The following PCDHA1 variants were observed in gnomAD, a reference collection of about 807,000 sequenced individuals.
PCDHA1 encodes protocadherin alpha 1.
A neutral mutation model predicts 61.3 loss-of-function variants in PCDHA1; 42 were observed. That is an observed-to-expected ratio of 0.69 (90% CI 0.54 to 0.89). The LOEUF (loss-of-function observed/expected upper bound fraction) is 0.89, where lower values mean the gene tolerates loss of function less well. Among genes scored for constraint, PCDHA1 ranks in the 40% least tolerant of loss-of-function variants. PCDHA1 has a pLI of 0.00. For missense variants in PCDHA1, 1,256 were observed against 1,235.3 expected (o/e 1.02, Z -0.25); for synonymous variants, 610 against 553.8 (o/e 1.10, Z -1.43).
intron 1 of PCDHA1, chr5:140,797,412 G>T: frequency 6.6e-7 from 1 of 1,511,554 alleles, no homozygotes; most frequent in South Asian, 1.2e-5. Context: ...AATTCTATAT[G>T]ATTTCTACTA....
At chr5:140,868,439 G>A (rs2050456620) in intron 1 of PCDHA1, 2 of 152,256 alleles carry the variant, frequency 1.3e-5, no homozygotes, top group South Asian at 4.2e-4. Flanking sequence ...TAGATCATGT[G>A]GAACATAAAC....
chr5:140,893,106 C>T (rs1226663436), intron 1 of PCDHA1, among the ~76,000 whole-genome samples: 3 of 152,170 alleles, frequency 2.0e-5, no homozygotes, highest in African/African-American at 4.8e-5. Flanking sequence ...GATAATATTC[C>T]GTTGTGCATA....
chr5:140,962,339 G>A (rs1454430913), intron 1 of PCDHA1, among the ~76,000 whole-genome samples: 1 of 152,152 alleles, frequency 6.6e-6, no homozygotes, highest in Non-Finnish European at 1.5e-5. Flanking sequence ...TGATAAAGAA[G>A]TAAAACTCCC....
intron 1 of PCDHA1, chr5:140,797,237 T>C: frequency 6.2e-7 from 1 of 1,614,128 alleles, no homozygotes; most frequent in East Asian, 2.2e-5. Context: ...CGGCAGAGGG[T>C]GTGCTCTGGG....
rs199976895 is a variant in PCDHA1 at position 140,968,276 on chromosome 5, G to T, written c.2395-10673G>T. The T allele has an allele frequency of 9.2e-5, 148 of 1,613,952 alleles. No homozygotes were observed. Among genetic ancestry groups the T allele is most frequent in the Admixed American group, 5.5e-4 (33 of 60,008 alleles). On this transcript the variant is annotated intron_variant, in intron 1 of 3. Transcript: ENST00000504120. ...CCCAGATGAAAAGGAGAATGCAGAGGTGACCTACTCCCTTCTGGAGAGGGA... is the reference window on the plus strand; with the variant it reads ...CCCAGATGAAAAGGAGAATGCAGAGTTGACCTACTCCCTTCTGGAGAGGGA...
At chr5:140,835,008 C>A in intron 1 of PCDHA1, 1 of 1,388,200 alleles carries the variant, frequency 7.2e-7, no homozygotes. Context: ...TCCGGAGCTT[C>A]ATTTATTGCT....
chr5:141,008,579 T>C (rs1554261820), intron 3 of PCDHA1, among the ~76,000 whole-genome samples: 1 of 152,232 alleles, frequency 6.6e-6, no homozygotes, highest in African/African-American at 2.4e-5. Flanking sequence ...TTCCCAAGAC[T>C]CAGGGCAGAT....
At chr5:140,882,749 G>C (rs1393099675) in intron 1 of PCDHA1, 1 of 1,614,126 alleles carries the variant, frequency 6.2e-7, no homozygotes, top group Non-Finnish European at 8.5e-7. Flanking sequence ...ATCCGATGCA[G>C]ATATTGGAGT....
At chr5:140,941,644 C>T (rs1157047813) in intron 1 of PCDHA1, among the ~76,000 whole-genome samples, 2 of 152,034 alleles carry the variant, frequency 1.3e-5, no homozygotes, top group African/African-American at 4.8e-5. Flanking sequence ...TGTCTTCCTA[C>T]AACTTATGTC....
chr5:140,827,875 C>T (rs538155297), intron 1 of PCDHA1: 1 of 643,830 alleles, frequency 1.6e-6, no homozygotes, highest in Non-Finnish European at 2.7e-6. Flanking sequence ...AGCACTGTTA[C>T]GTGAATTGAT....
chr5:140,829,254 C>T (rs1770187328), intron 1 of PCDHA1: 1 of 1,614,260 alleles, frequency 6.2e-7, no homozygotes, highest in East Asian at 2.2e-5. Flanking sequence ...GTGAACTGCT[C>T]GCTGACGCCT....
chr5:140,901,642 C>T lies in PCDHA1; in HGVS notation c.2395-77307C>T, dbSNP rs369623028. Among the ~76,000 whole-genome samples, 37 of 152,054 alleles carry T rather than the reference C, an allele frequency of 2.4e-4. No individual in the cohort carries two copies. In the East Asian group the frequency reaches 3.3e-3, roughly 13 times the overall value. On this transcript the variant is annotated intron_variant, in intron 1 of 3. Transcript: ENST00000504120. ...TTGAAGTCAGGTAATGTGATTCTTC[C>T]GGTTTTGTTCTTTTTGCTCAAGATA...
intron 1 of PCDHA1, chr5:140,866,572 GTGGT>G (rs1562601054): frequency 6.6e-6 from 1 of 152,168 alleles, no homozygotes; most frequent in African/African-American, 2.4e-5. Context: ...TGTTAATACA[GTGGT>G]TGGATAATGT....
At chr5:140,818,640 G>A (rs2150101817) in intron 1 of PCDHA1, among the ~76,000 whole-genome samples, 12 of 152,140 alleles carry the variant, frequency 7.9e-5, no homozygotes, top group Admixed American at 2.6e-4. Context: ...AGTTCAAGAT[G>A]AGCCTGAGCA....
chr5:140,872,817 T>G (rs1316271424), intron 1 of PCDHA1, among the ~76,000 whole-genome samples: 1 of 152,214 alleles, frequency 6.6e-6, no homozygotes, highest in African/African-American at 2.4e-5. Context: ...TTTTTCAGAT[T>G]CATCTAGCAG....
intron 1 of PCDHA1, chr5:140,966,810 G>A (rs1290992432): frequency 3.9e-6 from 6 of 1,548,566 alleles, no homozygotes; most frequent in African/African-American, 1.4e-5. Context: ...GAGCATCCAC[G>A]GCTCCGGCGG....
intron 1 of PCDHA1, among the ~76,000 whole-genome samples, chr5:140,957,690 T>G (rs2095375856): frequency 6.6e-6 from 1 of 152,060 alleles, no homozygotes; most frequent in South Asian, 2.1e-4. Context: ...ATCTAGACAA[T>G]GAACATTATG....
chr5:140,892,012 G>A (rs1032416226), intron 1 of PCDHA1, among the ~76,000 whole-genome samples: 9 of 152,176 alleles, frequency 5.9e-5, no homozygotes, highest in Admixed American at 5.9e-4. Context: ...TGTTATAGCA[G>A]CACAAATGGT....
chr5:140,836,724 T>C (rs2150268487), intron 1 of PCDHA1: 3 of 1,611,936 alleles, frequency 1.9e-6, no homozygotes, highest in Admixed American at 3.3e-5. Context: ...TCAGGGTCCA[T>C]CCTCTACAGA....
Sources: allele counts gnomAD v4.1 joint callset (sites outside exome capture counted in the v4.1 genomes callset), GRCh38; gene constraint gnomAD v4.1.1; transcripts MANE v1.5; gene names NCBI Gene and HGNC (gene_info 2026-07-23, HGNC 2026-07-21).